Variants in FYN observed in about 807,000 individuals in gnomAD.
The protein encoded by FYN is tyrosine-protein kinase Fyn.
FYN carries 10 observed loss-of-function variants against 70.2 expected under a neutral mutation model. The ratio of observed to expected loss-of-function variants is 0.14; its 90% confidence interval spans 0.09 to 0.24. FYN has a LOEUF of 0.24. Ranked by LOEUF, FYN falls within the 10% of genes least tolerant of loss-of-function variation. The pLI is 1.00. For synonymous variants in FYN, 236 were observed against 248.6 expected (o/e 0.95, Z 0.48); for missense variants, 319 against 673.1 (o/e 0.47, Z 5.82).
chr6:111,665,995 C>CTTTTTT (rs991104460), intron 13 of FYN, among the ~76,000 whole-genome samples: 15 of 89,046 alleles, frequency 1.7e-4, no homozygotes, highest in Non-Finnish European at 2.3e-4. Context: ...CCTTTTTCTC[C>CTTTTTT]TTTTTTTTTT....
chr6:111,828,603 T>C (rs528762551), intron 2 of FYN, among the ~76,000 whole-genome samples: 47 of 149,822 alleles, frequency 3.1e-4, no homozygotes, highest in African/African-American at 1.1e-3. Context: ...TGACACACGC[T>C]ACAACATAGA....
intron 3 of FYN, among the ~76,000 whole-genome samples, chr6:111,726,412 C>A (rs932765169): frequency 6.6e-6 from 1 of 152,168 alleles, no homozygotes; most frequent in South Asian, 2.1e-4. Context: ...AATGCTGTCC[C>A]ATTAAAATCT....
chr6:111,858,105 G>A (rs1369033968), intron 1 of FYN, among the ~76,000 whole-genome samples: 2 of 152,168 alleles, frequency 1.3e-5, no homozygotes, highest in Admixed American at 6.5e-5. Context: ...GCATAAGCAG[G>A]ACTGTCGGGA....
intron 2 of FYN, among the ~76,000 whole-genome samples, chr6:111,814,729 A>G (rs1772432780): frequency 6.6e-6 from 1 of 152,244 alleles, no homozygotes; most frequent in Admixed American, 6.5e-5. Flanking sequence ...AAACAACTCC[A>G]TACTTGTTCT....
chr6:111,754,437 A>G (rs1802622837), intron 3 of FYN: 1 of 152,206 alleles, frequency 6.6e-6, no homozygotes, highest in Non-Finnish European at 1.5e-5. Flanking sequence ...CACTTACCTC[A>G]TGTCGGCAAA....
At chr6:111,864,072 C>A (rs1000944409) in intron 1 of FYN, among the ~76,000 whole-genome samples, 5 of 152,178 alleles carry the variant, frequency 3.3e-5, no homozygotes, top group Non-Finnish European at 7.3e-5. Flanking sequence ...AGATCTTCAG[C>A]ATATTTGTGC....
intron 5 of FYN, among the ~76,000 whole-genome samples, chr6:111,708,442 C>T (rs77439990): frequency 7.2e-4 from 109 of 152,048 alleles, no homozygotes; most frequent in African/African-American, 2.6e-3. Context: ...CACAGTACTG[C>T]TTCCCTATTG....
At chr6:111,735,259 A>G (rs898272482) in intron 3 of FYN, among the ~76,000 whole-genome samples, 4 of 152,228 alleles carry the variant, frequency 2.6e-5, no homozygotes, top group African/African-American at 7.2e-5. Flanking sequence ...CCTGCTCAAA[A>G]GGAGCTTATA....
At chr6:111,857,733 T>C (rs112554286) in intron 1 of FYN, among the ~76,000 whole-genome samples, 9 of 152,198 alleles carry the variant, frequency 5.9e-5, no homozygotes, top group African/African-American at 2.2e-4. Flanking sequence ...GGTAACCTAG[T>C]GGCTTCAGAG....
At chr6:111,663,467 T>C (rs553459140) in intron 13 of FYN, among the ~76,000 whole-genome samples, 2 of 152,370 alleles carry the variant, frequency 1.3e-5, no homozygotes, top group African/African-American at 4.8e-5. Context: ...GTGTTGTTAC[T>C]TGTGGAGCTG....
chr6:111,810,934 T>C (rs1466484104), intron 2 of FYN, among the ~76,000 whole-genome samples: 1 of 152,250 alleles, frequency 6.6e-6, no homozygotes, highest in African/African-American at 2.4e-5. Flanking sequence ...TAAAAATATT[T>C]CTACAATGCA....
chr6:111,826,750 T>TAA (rs1772846720), intron 2 of FYN, among the ~76,000 whole-genome samples: 1 of 152,256 alleles, frequency 6.6e-6, no homozygotes, highest in African/African-American at 2.4e-5. Context: ...TACTGCTTAC[T>TAA]GTCTCATCTC....
rs142207167 is a variant in FYN, at chr6:111,851,301, C to A, written c.-122-4672G>T. Among the ~76,000 whole-genome samples the A allele has an allele frequency of 7.2e-5, 11 of 152,280 alleles. No individual in the cohort carries two copies. In the East Asian group the frequency reaches 2.1e-3, roughly 29 times the overall value. On this transcript the variant is annotated intron_variant, in intron 1 of 13. Transcript: ENST00000354650. ...TCTTACGTAAATATTTATTTTAGCT[C>A]ATTAAAAAGGTAATACACGCTCATT...
At chr6:111,776,736 A>C (rs1390538011) in intron 3 of FYN, among the ~76,000 whole-genome samples, 3 of 152,186 alleles carry the variant, frequency 2.0e-5, no homozygotes, top group South Asian at 4.1e-4. Flanking sequence ...TTACCCTCCC[A>C]AAATAGGCCC....
At chr6:111,715,928 A>G (rs1800623859) in intron 4 of FYN, among the ~76,000 whole-genome samples, 1 of 152,254 alleles carries the variant, frequency 6.6e-6, no homozygotes, top group Admixed American at 6.5e-5. Flanking sequence ...TGTCATCACT[A>G]CAAGTGTTCA....
intron 12 of FYN, among the ~76,000 whole-genome samples, chr6:111,681,313 C>A (rs1798772537): frequency 1.3e-5 from 2 of 152,222 alleles, no homozygotes; most frequent in South Asian, 2.1e-4. Flanking sequence ...CAGGCATGAG[C>A]CACTGCACCT....
chr6:111,701,093 T>C (rs1050626218), intron 8 of FYN, among the ~76,000 whole-genome samples: 3 of 152,098 alleles, frequency 2.0e-5, no homozygotes, highest in Admixed American at 2.0e-4. Flanking sequence ...TGTGAAAGAA[T>C]GTATTCTTTA....
intron 1 of FYN, among the ~76,000 whole-genome samples, chr6:111,851,804 C>T (rs1422484710): frequency 3.3e-5 from 5 of 151,858 alleles, no homozygotes; most frequent in South Asian, 2.1e-4. Flanking sequence ...GCTGAAGAGC[C>T]CTGCTCCCTC....
intron 2 of FYN, among the ~76,000 whole-genome samples, chr6:111,831,354 C>T (rs1008019857): frequency 2.6e-5 from 4 of 152,028 alleles, no homozygotes; most frequent in Admixed American, 6.6e-5. Context: ...CCAAAGACTC[C>T]GACTGACATT....
Sources: gnomAD v4.1 joint callset for allele counts (sites outside exome capture counted in the v4.1 genomes callset) on GRCh38, gnomAD v4.1.1 for gene constraint, MANE v1.5 for transcripts, NCBI Gene and HGNC (gene_info 2026-07-23, HGNC 2026-07-21) for gene names.